Variants in KREMEN1 observed in about 807,000 individuals in gnomAD.
KREMEN1 encodes kringle containing transmembrane protein 1, also known as kremen protein 1.
In KREMEN1, 30 loss-of-function variants were observed where a neutral mutation model predicts 46.5. The observed-to-expected ratio is 0.65, with a 90% CI of 0.48 to 0.88. The LOEUF (loss-of-function observed/expected upper bound fraction) is 0.88, where lower values mean the gene tolerates loss of function less well. Ranked by LOEUF, KREMEN1 falls within the 40% of genes least tolerant of loss-of-function variation. The probability of loss-of-function intolerance (pLI) is 0.00; values close to 1 mark genes in which losing one functional copy is unlikely to be tolerated. For missense variants in KREMEN1, 533 were observed against 596.9 expected (o/e 0.89, Z 1.11); for synonymous variants, 214 against 230.6 (o/e 0.93, Z 0.65).
chr22:29,125,827 G>A (rs2145822465), intron 5 of KREMEN1, among the ~76,000 whole-genome samples: 1 of 151,646 alleles, frequency 6.6e-6, no homozygotes, highest in East Asian at 1.9e-4. Context: ...ATATTATTGT[G>A]ATAGACCTGA....
rs192405909 is a variant in KREMEN1, at chr22:29,155,586, T to C, written c.1417-11458T>C. Among the ~76,000 whole-genome samples the C allele has an allele frequency of 3.3e-5, 5 of 152,208 alleles. No individual in the cohort carries two copies. The East Asian group carries it at 9.7e-4, about 29-fold the overall frequency. ...ACTTACATTTTCACATTTTATTTGA[T>C]ATATTTATATGTGGCTTGAATCTCT... On this transcript the variant is annotated intron_variant, in intron 9 of 9. Transcript: ENST00000327813.
chr22:29,134,879 A>G (rs1457509768), intron 5 of KREMEN1, among the ~76,000 whole-genome samples: 1 of 151,918 alleles, frequency 6.6e-6, no homozygotes, highest in East Asian at 1.9e-4. Context: ...CCTGTGCCAC[A>G]GAGGGGCTCC....
chr22:29,094,473 T>A (rs1042607316), intron 2 of KREMEN1, 53 bp downstream of exon 2: 4 of 1,494,184 alleles, frequency 2.7e-6, no homozygotes, highest in Admixed American at 2.0e-5. Context: ...TCTAGTCTCT[T>A]CTTCCAACCC....
At chr22:29,135,865 A>G (rs1019430547) in intron 5 of KREMEN1, among the ~76,000 whole-genome samples, 1 of 152,104 alleles carries the variant, frequency 6.6e-6, no homozygotes, top group African/African-American at 2.4e-5. Context: ...CCTGGTTGTC[A>G]TGAGACCTCA....
intron 2 of KREMEN1, among the ~76,000 whole-genome samples, chr22:29,096,680 A>T (rs1249936396): frequency 6.6e-6 from 1 of 152,250 alleles, no homozygotes; most frequent in Non-Finnish European, 1.5e-5. Flanking sequence ...GCACTGCAGC[A>T]AAGTCAAGGA....
intron 5 of KREMEN1, among the ~76,000 whole-genome samples, chr22:29,133,015 G>A (rs964576859): frequency 6.6e-6 from 1 of 152,096 alleles, no homozygotes; most frequent in African/African-American, 2.4e-5. Flanking sequence ...TTGGGAGGCC[G>A]AGGCGGGTGG....
intron 1 of KREMEN1, among the ~76,000 whole-genome samples, chr22:29,079,021 G>A (rs987238969): frequency 6.6e-6 from 1 of 151,892 alleles, no homozygotes. Context: ...TTTCCTCCCT[G>A]TCTTATCTTC....
chr22:29,143,183 CCATT>C lies in KREMEN1; in HGVS notation c.*1076_*1079del. The stretch of plus-strand genomic sequence containing the variant: ...CAAAACACAAATAAACAAAAAAAAT[CCATT>C]CATTTACTCATGCAATAAATTCTCC... On this transcript the variant is annotated 3_prime_UTR_variant, in exon 9 of 9. Coordinates refer to ENST00000400335, the MANE Select transcript of KREMEN1 (RefSeq NM_001039570.3). 1.0e-6 allele frequency: 1 copy of C among 984,878 alleles called. No homozygotes were observed. Among genetic ancestry groups the C allele is most frequent in the Non-Finnish European group, 1.2e-6 (1 of 829,650 alleles). The allele number at this position is 984,878 out of a possible 1,614,324, so 61.0% of individuals were successfully genotyped here. A position where few individuals can be genotyped will look rare whatever the true frequency, so the allele number is the denominator to read the frequency against.
chr22:29,094,201 G>C, intron 1 of KREMEN1, 57 bp from the exon 2 acceptor site: 1 of 1,448,456 alleles, frequency 6.9e-7, no homozygotes, highest in Non-Finnish European at 9.5e-7. Flanking sequence ...ACCAAAGAGG[G>C]AGGAAACCAT....
At chr22:29,100,953 T>G (rs2145775259) in intron 3 of KREMEN1, among the ~76,000 whole-genome samples, 1 of 152,296 alleles carries the variant, frequency 6.6e-6, no homozygotes, top group Non-Finnish European at 1.5e-5. Flanking sequence ...AAAAACCTTA[T>G]AGAAGAAAGA....
chr22:29,148,546 C>T (rs1429175885), downstream of KREMEN1, among the ~76,000 whole-genome samples: 5 of 151,722 alleles, frequency 3.3e-5, no homozygotes, highest in African/African-American at 4.8e-5. Context: ...CTCCGCCTCC[C>T]GGGTTCAAGC....
In KREMEN1 at chr22:29,146,671, G is replaced by A; in HGVS notation, c.*4559G>A. 3.2e-6 allele frequency: 3 copies of A among 947,832 alleles called. No individual in the cohort carries two copies. In the South Asian group the frequency reaches 1.5e-4, roughly 46 times the overall value. 58.7% of individuals were successfully genotyped at this position (947,832 alleles called of 1,614,324 possible). Reference sequence around the variant, plus strand: ...AAACATCATGTATTTTAAAATATAAGATGAAGTGTGACGCACTGTATACAA... The same window carrying A: ...AAACATCATGTATTTTAAAATATAAAATGAAGTGTGACGCACTGTATACAA... On this transcript the variant is annotated 3_prime_UTR_variant, in exon 9 of 9. Transcript: ENST00000400335.
chr22:29,167,250 T>C, exon 10 of KREMEN1: 1 of 695,618 alleles, frequency 1.4e-6, no homozygotes, highest in Non-Finnish European at 2.5e-6. Context: ...TACCAGCGTT[T>C]TGGGAGGCTG....
At chr22:29,162,546 G>A (rs9620866) in intron 9 of KREMEN1, among the ~76,000 whole-genome samples, 9,706 of 152,058 alleles carry the variant, frequency 0.064, 377 homozygotes, top group Non-Finnish European at 0.076. Context: ...GTGAAACCCC[G>A]TTTCCACTAA....
Position 29,073,918 on chromosome 22 carries a change from C to A in KREMEN1, c.97+691C>A, listed in dbSNP as rs566252295. 5.2e-3 allele frequency among the ~76,000 whole-genome samples: 791 copies of A among 152,300 alleles called. 5 individuals carry two copies. Among genetic ancestry groups the A allele is most frequent in the Non-Finnish European group, 8.7e-3 (590 of 68,008 alleles). On this transcript the variant is annotated intron_variant, in intron 1 of 8. Transcript: ENST00000400335. The surrounding 1 kb of genome is among the most constrained non-coding windows in gnomAD (Gnocchi z 4.4). ...TCCCCCGCTACAAGAGGCTATACGC[C>A]CCTCTCCGAGACCTCCAGCGACATC...
At chr22:29,140,766 T>C (rs1444830212) in intron 8 of KREMEN1, among the ~76,000 whole-genome samples, 1 of 152,264 alleles carries the variant, frequency 6.6e-6, no homozygotes, top group Non-Finnish European at 1.5e-5. Context: ...CACATTTTAT[T>C]AACTATTGCT....
intron 5 of KREMEN1, among the ~76,000 whole-genome samples, chr22:29,129,264 T>C (rs992849977): frequency 1.3e-5 from 2 of 151,766 alleles, no homozygotes; most frequent in Non-Finnish European, 2.9e-5. Context: ...GGAGAATCGC[T>C]TCAACCCGGG....
chr22:29,121,527 AAATGC>A, intron 4 of KREMEN1, 46 bp downstream of exon 4: 1 of 1,599,746 alleles, frequency 6.3e-7, no homozygotes, highest in South Asian at 1.1e-5. Flanking sequence ...ATAAAGATGT[AAATGC>A]ATTTTGCTGA....
In KREMEN1 at chr22:29,142,349, C is replaced by A. The variant is rs1173637793; in HGVS notation, c.*237C>A. ...AGGAGAGAGACTCAAAGCCCTGGGG[C>A]CCGGCCCTCTCTGCATCTCTCTCTG... On this transcript the variant is annotated 3_prime_UTR_variant, in exon 9 of 9. Transcript: ENST00000400335. 6.6e-6 allele frequency: 8 copies of A among 1,213,288 alleles called. No homozygotes were observed. Among genetic ancestry groups the A allele is most frequent in the Non-Finnish European group, 8.2e-6 (8 of 975,206 alleles). The allele number at this position is 1,213,288 out of a possible 1,614,324, so 75.2% of individuals were successfully genotyped here.
Sources: gnomAD v4.1 joint callset for allele counts (sites outside exome capture counted in the v4.1 genomes callset) on GRCh38, gnomAD v4.1.1 for gene constraint, Gnocchi (gnomAD v3.1) non-coding constraint, MANE v1.5 for transcripts, NCBI Gene and HGNC (gene_info 2026-07-23, HGNC 2026-07-21) for gene names.